The following TAFA1 variants were observed in gnomAD, a reference collection of about 807,000 sequenced individuals.
TAFA1 encodes the protein TAFA chemokine like family member 1.
TAFA1 carries 4 observed loss-of-function variants against 18.5 expected under a neutral mutation model. The observed-to-expected ratio is 0.22, with a 90% CI of 0.11 to 0.49. The LOEUF is 0.49. Among genes scored for constraint, TAFA1 ranks in the 20% least tolerant of loss-of-function variants. The pLI, the probability that TAFA1 is intolerant of heterozygous loss-of-function variation, is 0.98. For missense variants in TAFA1, 147 were observed against 169.0 expected, an observed-to-expected ratio of 0.87 and a Z score of 0.72; for synonymous variants, 56 against 55.2, an observed-to-expected ratio of 1.01 and a Z score of -0.06.
At chr3:68,012,806 T>C (rs1467893317) in intron 2 of TAFA1, among the ~76,000 whole-genome samples, 1 of 152,122 alleles carries the variant, frequency 6.6e-6, no homozygotes, top group Non-Finnish European at 1.5e-5. Flanking sequence ...ATGAGGCCCT[T>C]TTCCTTTTAA....
chr3:68,408,227 G>C (rs1444888735), intron 2 of TAFA1, among the ~76,000 whole-genome samples: 2 of 152,050 alleles, frequency 1.3e-5, no homozygotes, highest in Non-Finnish European at 2.9e-5. Context: ...CTTTAAATAT[G>C]GTTTATTCAT....
intron 2 of TAFA1, among the ~76,000 whole-genome samples, chr3:68,108,464 ATG>A (rs61053326): frequency 0.87 from 130,148 of 150,180 alleles, 56,942 homozygotes; most frequent in South Asian, 0.94. Flanking sequence ...GTGTGTGTGC[ATG>A]TGTGTGTGTG....
chr3:68,053,678 G>A (rs556666079), intron 2 of TAFA1, among the ~76,000 whole-genome samples: 7 of 152,070 alleles, frequency 4.6e-5, no homozygotes, highest in African/African-American at 7.2e-5. Flanking sequence ...ATGAGAAATC[G>A]GTTCCTTGGA....
chr3:68,283,116 A>G (rs2067931608), intron 2 of TAFA1, among the ~76,000 whole-genome samples: 1 of 152,218 alleles, frequency 6.6e-6, no homozygotes, highest in African/African-American at 2.4e-5. Context: ...AACAATAAAG[A>G]GATGTAATTT....
chr3:68,252,488 A>G (rs2067215922), intron 2 of TAFA1, among the ~76,000 whole-genome samples: 1 of 152,214 alleles, frequency 6.6e-6, no homozygotes, highest in Admixed American at 6.5e-5. Context: ...ACAAAGCTGA[A>G]GCTGGGTAGT....
chr3:68,098,338 G>T (rs909141476), intron 2 of TAFA1, among the ~76,000 whole-genome samples: 1 of 152,038 alleles, frequency 6.6e-6, no homozygotes. Flanking sequence ...ATTATGCTGT[G>T]CCACTTCTGT....
intron 2 of TAFA1, among the ~76,000 whole-genome samples, chr3:68,177,406 G>A (rs1352726471): frequency 1.3e-5 from 2 of 152,106 alleles, no homozygotes; most frequent in Non-Finnish European, 2.9e-5. Context: ...AATGAAAAAA[G>A]TCCTGGAATT....
At chr3:68,107,673 A>G (rs564036826) in intron 2 of TAFA1, among the ~76,000 whole-genome samples, 1 of 152,226 alleles carries the variant, frequency 6.6e-6, no homozygotes, top group East Asian at 1.9e-4. Flanking sequence ...AATTTTAGAG[A>G]TATGTCATAT....
chr3:68,052,223 C>A (rs902040829), intron 2 of TAFA1, among the ~76,000 whole-genome samples: 1 of 152,118 alleles, frequency 6.6e-6, no homozygotes, highest in Non-Finnish European at 1.5e-5. Flanking sequence ...TCTTCTTTCT[C>A]TTATTTTCTA....
chr3:68,382,502 C>T (rs1411182055), intron 2 of TAFA1, among the ~76,000 whole-genome samples: 1 of 152,040 alleles, frequency 6.6e-6, no homozygotes, highest in Non-Finnish European at 1.5e-5. Context: ...TTGTTTTTGT[C>T]AGCTTTGTCA....
At chr3:68,381,829 G>T (rs2069965036) in intron 2 of TAFA1, among the ~76,000 whole-genome samples, 1 of 152,188 alleles carries the variant, frequency 6.6e-6, no homozygotes, top group Admixed American at 6.6e-5. Flanking sequence ...TGATGAGAGA[G>T]GGCATCCCTG....
chr3:68,393,668 A>G (rs1045487514), intron 2 of TAFA1, among the ~76,000 whole-genome samples: 1 of 152,204 alleles, frequency 6.6e-6, no homozygotes, highest in African/African-American at 2.4e-5. Flanking sequence ...ATCCAGCACA[A>G]TCAAGTCAGC....
intron 2 of TAFA1, among the ~76,000 whole-genome samples, chr3:68,197,942 C>A (rs2107031296): frequency 6.6e-6 from 1 of 151,786 alleles, no homozygotes; most frequent in South Asian, 2.1e-4. Flanking sequence ...AATGTAAGTT[C>A]TGTAGGTGCA....
Position 68,118,809 on chromosome 3 carries a change from C to G in TAFA1, c.118+112065C>G, listed in dbSNP as rs149384225. ...CATTTGGGTCACTTCCATCTGTGCA[C>G]TATTGTGAATAATGCAGCTATGAAC... On this transcript the variant is annotated intron_variant, in intron 2 of 4. Transcript: ENST00000478136. 2.9e-3 allele frequency among the ~76,000 whole-genome samples: 434 copies of G among 152,258 alleles called. 1 individual carries two copies. Among genetic ancestry groups the G allele is most frequent in the African/African-American group, 9.9e-3 (410 of 41,540 alleles).
intron 2 of TAFA1, among the ~76,000 whole-genome samples, chr3:68,300,708 A>G (rs901624521): frequency 1.3e-5 from 2 of 152,164 alleles, no homozygotes; most frequent in Non-Finnish European, 2.9e-5. Context: ...GTGTCAAGGG[A>G]GAGACCAGGT....
chr3:68,359,767 A>T (rs753943005), intron 2 of TAFA1, among the ~76,000 whole-genome samples: 11 of 151,974 alleles, frequency 7.2e-5, no homozygotes, highest in Non-Finnish European at 1.2e-4. Flanking sequence ...ATAGGAAACT[A>T]AGCCACCAAA....
At chr3:68,266,044 G>A (rs2107213617) in intron 2 of TAFA1, among the ~76,000 whole-genome samples, 1 of 152,240 alleles carries the variant, frequency 6.6e-6, no homozygotes, top group Non-Finnish European at 1.5e-5. Context: ...TATTCTTCTT[G>A]CCTGTGCCAG....
intron 2 of TAFA1, among the ~76,000 whole-genome samples, chr3:68,343,458 A>G (rs970403369): frequency 6.6e-5 from 10 of 152,228 alleles, no homozygotes; most frequent in African/African-American, 2.4e-4. Flanking sequence ...TACAAATGTT[A>G]TGTATGATAG....
intron 2 of TAFA1, among the ~76,000 whole-genome samples, chr3:68,275,933 T>C (rs1393396578): frequency 6.6e-6 from 1 of 152,124 alleles, no homozygotes; most frequent in African/African-American, 2.4e-5. Context: ...CACTAGATGG[T>C]AAGTACCTGA....
Sources: gnomAD v4.1 joint callset for allele counts (sites outside exome capture counted in the v4.1 genomes callset) on GRCh38, gnomAD v4.1.1 for gene constraint, MANE v1.5 for transcripts, NCBI Gene and HGNC (gene_info 2026-07-23, HGNC 2026-07-21) for gene names.